DOP1A: variants seen among roughly 807,000 people sequenced by gnomAD.
The protein encoded by DOP1A is protein DOP1A.
DOP1A carries 90 observed loss-of-function variants against 267.6 expected under a neutral mutation model. That is an observed-to-expected ratio of 0.34 (90% CI 0.28 to 0.40). The LOEUF is 0.40. DOP1A is among the 10% of genes least tolerant of loss of function. The pLI is 1.00. For missense variants in DOP1A, 2,437 were observed against 2,900.4 expected, an observed-to-expected ratio of 0.84 and a Z score of 3.67; for synonymous variants, 932 against 999.1, an observed-to-expected ratio of 0.93 and a Z score of 1.27.
rs1318619501 is a variant in DOP1A at position 83,138,004 on chromosome 6, C to T, written c.3962C>T (p.Thr1321Ile). Reference sequence around the variant, plus strand: ...TCTTCAAATGAAAAACTCAAACAAACCAGTGTATTCTTCAGTGATGGTCTG... The same window carrying T: ...TCTTCAAATGAAAAACTCAAACAAATCAGTGTATTCTTCAGTGATGGTCTG... ...KKSSNEKLKQ[T>I]SVFFSDGLDL... Residue 1321 changes from threonine to isoleucine, a missense_variant, in exon 21 of 39, where the codon ACC (threonine) becomes ATC (isoleucine). This residue lies in a region of DOP1A where 878 missense variants were observed against 992.9 expected (regional missense o/e 0.88). Transcript: ENST00000349129. 9 of 1,607,172 alleles carry T rather than the reference C, an allele frequency of 5.6e-6. No homozygotes were observed. Among genetic ancestry groups the T allele is most frequent in the Non-Finnish European group, 6.8e-6 (8 of 1,177,900 alleles).
In DOP1A at chr6:83,129,262, T is replaced by C; in HGVS notation, c.2095T>C (p.Phe699Leu). 1 of 1,612,818 alleles carries C rather than the reference T, an allele frequency of 6.2e-7. No individual in the cohort carries two copies. The highest frequency in any genetic ancestry group is 8.5e-7 in the Non-Finnish European group (1 of 1,179,514). Residue 699 changes from phenylalanine to leucine, a missense_variant, in exon 16 of 39, where the codon TTT (phenylalanine) becomes CTT (leucine). Phe to Leu is a conservative substitution (Grantham distance 22). This residue lies in a region of DOP1A where 498 missense variants were observed against 513.5 expected (regional missense o/e 0.97). Coordinates refer to ENST00000349129, the MANE Select transcript of DOP1A (RefSeq NM_015018.4). The part of the protein sequence containing the change: ...INLYIIQNNS[F>L]SQSLATEHQG... ...CCTCTACATCATTCAGAATAACTCT[T>C]TTTCTCAGTCTTTGGCTACAGAACA...
At chr6:83,146,815 A>G (rs1780712164) in intron 25 of DOP1A, among the ~76,000 whole-genome samples, 1 of 152,192 alleles carries the variant, frequency 6.6e-6, no homozygotes, top group African/African-American at 2.4e-5. Flanking sequence ...ATTGATCACA[A>G]ATTTGAACTA....
chr6:83,087,574 T>TC (rs1246705083), intron 1 of DOP1A, among the ~76,000 whole-genome samples: 1 of 152,212 alleles, frequency 6.6e-6, no homozygotes, highest in African/African-American at 2.4e-5. Context: ...GAGTTAGGAC[T>TC]CTAAAGCCAA....
At position 83,134,111 on chromosome 6, in the gene DOP1A, A is replaced by G. The variant is rs1778508899; in HGVS notation, c.2770-76A>G. 4.9e-6 allele frequency: 6 copies of G among 1,225,702 alleles called. No homozygotes were observed. In the South Asian group the frequency reaches 6.8e-5, roughly 14 times the overall value. The allele number at this position is 1,225,702 out of a possible 1,614,324, so 75.9% of individuals were successfully genotyped here. A position where few individuals can be genotyped will look rare whatever the true frequency, so the allele number is the denominator to read the frequency against. On this transcript the variant is annotated intron_variant, in intron 18 of 38. Transcript: ENST00000349129. ...TGAACGTAATACAGTACTCCTAAAT[A>G]GTACTCTGATTTTACTAAAATCATA... is the stretch of plus-strand genomic sequence containing the variant.
Position 83,134,278 on chromosome 6 carries a change from C to G in DOP1A, c.2861C>G (p.Ser954Cys), listed in dbSNP as rs746516858. The stretch of plus-strand genomic sequence containing the variant: ...AATAAATCTTCATCTTTTGTACGTT[C>G]TTTTGACAGGTCAGTTACATTTTAT... Reference protein sequence around the residue: ...HINKSSSFVRSFDRSLFIMLD... With the variant: ...HINKSSSFVRCFDRSLFIMLD... Residue 954 changes from serine (S) to cysteine (C), a missense_variant, in exon 19 of 39, where the codon TCT becomes TGT. Around this residue, in one of 9 missense-constraint regions of DOP1A, gnomAD observed 878 missense variants for 992.9 expected, o/e 0.88. Transcript: ENST00000349129. The G allele has an allele frequency of 2.2e-5, 35 of 1,610,992 alleles. No individual in the cohort carries two copies. The highest frequency in any genetic ancestry group is 1.7e-4 in the Admixed American group (10 of 59,690).
intron 7 of DOP1A, among the ~76,000 whole-genome samples, chr6:83,116,537 C>T (rs539952969): frequency 1.1e-4 from 17 of 152,208 alleles, no homozygotes; most frequent in East Asian, 1.9e-4. Flanking sequence ...CAGCCAGATG[C>T]GGTGGCTCAC....
chr6:83,138,559 G>T lies in DOP1A; in HGVS notation c.4517G>T (p.Ser1506Ile). Residue 1506 changes from serine to isoleucine, a missense_variant, in exon 21 of 39, where the codon AGC becomes ATC. This residue lies in a region of DOP1A where 878 missense variants were observed against 992.9 expected (regional missense o/e 0.88). Coordinates refer to ENST00000349129, the MANE Select transcript of DOP1A (RefSeq NM_015018.4). ...ACTGAGCTGGCAAAAGTAATAGAAA[G>T]CTCAGCGAAGGGTTTCCCTAGTTTT... Reference protein sequence around the residue: ...LFTELAKVIESSAKGFPSFIS... With the variant: ...LFTELAKVIEISAKGFPSFIS... The T allele has an allele frequency of 6.2e-7, 1 of 1,613,806 alleles. No homozygotes were observed. The highest frequency in any genetic ancestry group is 8.5e-7 in the Non-Finnish European group (1 of 1,179,930).
At chr6:83,166,998 T>C (rs1415520171) in intron 38 of DOP1A, 4 of 985,750 alleles carry the variant, frequency 4.1e-6, no homozygotes, top group African/African-American at 3.5e-5. Flanking sequence ...CTGTTCTCTC[T>C]TATCTTTCTC....
intron 38 of DOP1A, chr6:83,166,735 G>A: frequency 1.7e-6 from 2 of 1,151,338 alleles, no homozygotes; most frequent in Non-Finnish European, 2.1e-6. Flanking sequence ...AAGCTTGAGA[G>A]CACATAGAAG....
At chr6:83,169,743 A>C (rs1284164062), downstream of DOP1A, 1 of 458,198 alleles carries the variant, frequency 2.2e-6, no homozygotes, top group African/African-American at 2.0e-5. Context: ...CTGATTCCCT[A>C]TTCAGCGCAC....
rs199523410 is a variant in DOP1A, at chr6:83,095,023, GC to G, written c.-146-1706del. 3.9e-3 allele frequency among the ~76,000 whole-genome samples: 601 copies of G among 152,216 alleles called. 5 individuals are homozygous for G. The highest frequency in any genetic ancestry group is 0.013 in the African/African-American group (554 of 41,542). ...TCTTGGCTCACTGCAGCCTCGGACT[GC>G]CGGGTTCAAGTGATAGTCCTGCCTC... On this transcript the variant is annotated intron_variant, in intron 1 of 38. Transcript: ENST00000349129.
chr6:83,080,586 G>T (rs1767915354), intron 1 of DOP1A, among the ~76,000 whole-genome samples: 1 of 152,150 alleles, frequency 6.6e-6, no homozygotes. Context: ...CCTGTCATCA[G>T]CCCTGCACAT....
intron 38 of DOP1A, among the ~76,000 whole-genome samples, chr6:83,163,378 T>TGTCA (rs1784696747): frequency 6.6e-6 from 1 of 152,256 alleles, no homozygotes; most frequent in South Asian, 2.1e-4. Context: ...TTTTAGAACC[T>TGTCA]GTCAGAGTTG....
chr6:83,166,289 G>C (rs1047014378), intron 38 of DOP1A: 1 of 596,450 alleles, frequency 1.7e-6, no homozygotes, highest in African/African-American at 1.8e-5. Context: ...GATCAGCTTC[G>C]ATGATGTTCT....
chr6:83,131,940 G>A (rs113684515), intron 17 of DOP1A, among the ~76,000 whole-genome samples: 5,846 of 152,126 alleles, frequency 0.038, 184 homozygotes, highest in African/African-American at 0.074. Flanking sequence ...TTCAGACAAC[G>A]CCTGATGTCT....
Position 83,135,820 on chromosome 6 carries a change from C to G in DOP1A, c.3072C>G (p.Pro1024=). 6.2e-7 allele frequency: 1 copy of G among 1,613,566 alleles called. No homozygotes were observed. The highest frequency in any genetic ancestry group is 8.5e-7 in the Non-Finnish European group (1 of 1,179,648). The part of the protein sequence containing the change: ...VQAERYWNKS[P]CYPGEESDKH... ...CAGAACGTTATTGGAATAAGTCTCC[C>G]TGTTATCCAGGAGAGGAGAGTGACA... Residue 1024 remains proline, a synonymous_variant, in exon 20 of 39, where the codon CCC becomes CCG. Transcript: ENST00000349129.
At chr6:83,116,726 A>C (rs1775493142) in intron 7 of DOP1A, among the ~76,000 whole-genome samples, 1 of 152,078 alleles carries the variant, frequency 6.6e-6, no homozygotes, top group African/African-American at 2.4e-5. Flanking sequence ...CAGGAGAATC[A>C]CTTGAACCTG....
chr6:83,115,597 G>A (rs978147841), intron 7 of DOP1A, among the ~76,000 whole-genome samples: 15 of 152,090 alleles, frequency 9.9e-5, no homozygotes, highest in African/African-American at 3.4e-4. Flanking sequence ...GGTGGCGGGC[G>A]CCTGTAGTCC....
intron 1 of DOP1A, among the ~76,000 whole-genome samples, chr6:83,083,129 TAAC>T (rs1432080722): frequency 6.6e-6 from 1 of 151,984 alleles, no homozygotes; most frequent in Non-Finnish European, 1.5e-5. Flanking sequence ...CTTTTATAGA[TAAC>T]AACCAAAAAT....
Sources: gnomAD v4.1 joint callset for allele counts (sites outside exome capture counted in the v4.1 genomes callset) on GRCh38, gnomAD v4.1.1 for gene constraint, gnomAD v4.1.1 regional missense constraint, MANE v1.5 for transcripts, NCBI Gene and HGNC (gene_info 2026-07-23, HGNC 2026-07-21) for gene names.